SIAH1: variants seen among roughly 807,000 people sequenced by gnomAD.
SIAH1 encodes siah E3 ubiquitin protein ligase 1.
In SIAH1, 2 loss-of-function variants were observed where a neutral mutation model predicts 20.0. The ratio of observed to expected loss-of-function variants is 0.10; its 90% CI spans 0.04 to 0.31. The LOEUF (loss-of-function observed/expected upper bound fraction) is 0.31. Among genes scored for constraint, SIAH1 ranks in the 10% least tolerant of loss-of-function variants. SIAH1 has a pLI of 1.00. For missense variants in SIAH1, 119 were observed against 355.3 expected, an observed-to-expected ratio of 0.33 and a Z score of 5.35; for synonymous variants, 118 against 125.3, an observed-to-expected ratio of 0.94 and a Z score of 0.39.
intron 1 of SIAH1, among the ~76,000 whole-genome samples, chr16:48,373,805 A>G (rs1177994683): frequency 2.0e-5 from 3 of 152,250 alleles, no homozygotes; most frequent in Admixed American, 1.3e-4. Context: ...GCCATTATGT[A>G]TAAGGATACA....
At chr16:48,385,540 G>T (rs888372855), upstream of SIAH1, 1 of 151,492 alleles carries the variant, frequency 6.6e-6, no homozygotes, top group African/African-American at 2.4e-5. Context: ...AGGCGTTGGC[G>T]CGGCCGGCGG....
intron 1 of SIAH1, among the ~76,000 whole-genome samples, chr16:48,381,868 T>C (rs1272874331): frequency 2.6e-5 from 4 of 152,132 alleles, no homozygotes; most frequent in African/African-American, 9.7e-5. Flanking sequence ...TGGGTAATAA[T>C]GGTGTGTCAA....
At chr16:48,383,750 T>C (rs1367952457) in intron 1 of SIAH1, among the ~76,000 whole-genome samples, 1 of 152,184 alleles carries the variant, frequency 6.6e-6, no homozygotes, top group African/African-American at 2.4e-5. Flanking sequence ...CATACAAATC[T>C]CCTTGTCCTT....
intron 1 of SIAH1, among the ~76,000 whole-genome samples, chr16:48,379,996 AACTG>A (rs1459604000): frequency 1.3e-5 from 2 of 152,340 alleles, no homozygotes; most frequent in Non-Finnish European, 2.9e-5. Flanking sequence ...GCAGTAGGAA[AACTG>A]ACTGTAAGGC....
intron 1 of SIAH1, among the ~76,000 whole-genome samples, chr16:48,375,128 G>A (rs962550048): frequency 5.3e-5 from 8 of 152,202 alleles, no homozygotes; most frequent in African/African-American, 1.4e-4. Flanking sequence ...CAGCTAGGGC[G>A]ACACAGTGAG....
chr16:48,384,700 G>C (rs1315344134), intron 1 of SIAH1, among the ~76,000 whole-genome samples: 1 of 151,252 alleles, frequency 6.6e-6, no homozygotes. Context: ...GGCGCGGTGC[G>C]GCCCGGGCCT....
At chr16:48,363,318 AATT>A (rs1960681297) in intron 1 of SIAH1, 1 of 167,100 alleles carries the variant, frequency 6.0e-6, no homozygotes, top group Non-Finnish European at 1.5e-5. Flanking sequence ...ATCTCTATCT[AATT>A]AAGTCTTCCC....
In SIAH1 at chr16:48,362,611, T is replaced by C; in HGVS notation, c.-2-181A>G. On this transcript the variant is annotated intron_variant, in intron 1 of 1. Coordinates refer to ENST00000394725, the MANE Select transcript of SIAH1 (RefSeq NM_003031.4). This position sits in a 1 kb window ranked among gnomAD's most constrained non-coding sequence, Gnocchi z 4.2. ...ATAAAATTACACTGAATGTGCACTT[T>C]ATTAGGATCTGTACACTGGATAAGC... The C allele has an allele frequency of 1.6e-6, 1 of 620,752 alleles. No homozygotes were observed. The highest frequency in any genetic ancestry group is 2.0e-5 in the South Asian group (1 of 48,808). The allele number at this position is 620,752 out of a possible 1,614,324, so 38.5% of individuals were successfully genotyped here.
At position 48,360,868 on chromosome 16, in the gene SIAH1, C is replaced by T. The variant is rs1186124346; in HGVS notation, c.*712G>A. On this transcript the variant is annotated 3_prime_UTR_variant, in exon 2 of 2. Coordinates refer to ENST00000394725, the MANE Select transcript of SIAH1 (RefSeq NM_003031.4). ...TTTAAATAGCTTTTGATTATTTTTC[C>T]GATGTCACCTTTACTTTCTGGAACT... The T allele has an allele frequency of 1.3e-5, 2 of 152,036 alleles. No homozygotes were observed. Among genetic ancestry groups the T allele is most frequent in the Non-Finnish European group, 1.5e-5 (1 of 67,998 alleles). The allele number at this position is 152,036 out of a possible 1,614,324, so 9.4% of individuals were successfully genotyped here.
chr16:48,361,005 C>T lies in SIAH1; in HGVS notation c.*575G>A, dbSNP rs934128753. The stretch of plus-strand genomic sequence containing the variant: ...TTTTACCATAAACAAATATGCATAT[C>T]AAAAGATACTAACTTTAAAATGGTA... On this transcript the variant is annotated 3_prime_UTR_variant, in exon 2 of 2. Transcript: ENST00000394725. 1 of 152,108 alleles carries T rather than the reference C, an allele frequency of 6.6e-6. No individual in the cohort carries two copies. Among genetic ancestry groups the T allele is most frequent in the Non-Finnish European group, 1.5e-5 (1 of 68,066 alleles). The allele number at this position is 152,108 out of a possible 1,614,324, so 9.4% of individuals were successfully genotyped here.
At chr16:48,372,754 A>G (rs1478478639) in intron 1 of SIAH1, among the ~76,000 whole-genome samples, 1 of 152,242 alleles carries the variant, frequency 6.6e-6, no homozygotes, top group African/African-American at 2.4e-5. Flanking sequence ...GCTTAACTCA[A>G]AAAGAACCTG....
intron 1 of SIAH1, among the ~76,000 whole-genome samples, chr16:48,370,389 T>C (rs1269683120): frequency 4.7e-5 from 7 of 148,406 alleles, no homozygotes. Context: ...CTAAACACAG[T>C]TCTTCATTAA....
At chr16:48,374,684 T>A (rs1392092674) in intron 1 of SIAH1, among the ~76,000 whole-genome samples, 1 of 151,914 alleles carries the variant, frequency 6.6e-6, no homozygotes, top group Non-Finnish European at 1.5e-5. Flanking sequence ...GCAAGGAATG[T>A]GAGGTAGCAT....
intron 1 of SIAH1, among the ~76,000 whole-genome samples, chr16:48,374,424 G>A (rs896822375): frequency 1.3e-5 from 2 of 152,138 alleles, no homozygotes; most frequent in Non-Finnish European, 2.9e-5. Flanking sequence ...CAACTATCTC[G>A]AAAGTGTTGA....
chr16:48,383,310 ATCTT>A (rs1366670921), intron 1 of SIAH1, among the ~76,000 whole-genome samples: 3 of 152,230 alleles, frequency 2.0e-5, no homozygotes, highest in South Asian at 4.1e-4. Context: ...AGAAATCTGT[ATCTT>A]TATTTAAATT....
intron 1 of SIAH1, among the ~76,000 whole-genome samples, chr16:48,373,514 A>C (rs895786103): frequency 1.3e-5 from 2 of 152,148 alleles, no homozygotes; most frequent in African/African-American, 4.8e-5. Flanking sequence ...CCTCCCTTCA[A>C]AATGTATTCA....
At chr16:48,384,411 G>C (rs967746687) in intron 1 of SIAH1, among the ~76,000 whole-genome samples, 2 of 152,100 alleles carry the variant, frequency 1.3e-5, no homozygotes, top group African/African-American at 4.8e-5. Context: ...AGTGGCCCAG[G>C]TTATTCACTT....
intron 1 of SIAH1, among the ~76,000 whole-genome samples, chr16:48,368,190 G>C (rs754479967): frequency 6.6e-6 from 1 of 152,120 alleles, no homozygotes; most frequent in Non-Finnish European, 1.5e-5. Flanking sequence ...ATAGAACACA[G>C]ACGTGAGGGA....
upstream of SIAH1, chr16:48,385,547 G>A (rs1961439627): frequency 6.6e-6 from 1 of 151,650 alleles, no homozygotes. Context: ...GGCGCGGCCG[G>A]CGGCGGCCTC....
Sources: gnomAD v4.1 joint callset for allele counts (sites outside exome capture counted in the v4.1 genomes callset) on GRCh38, gnomAD v4.1.1 for gene constraint, Gnocchi (gnomAD v3.1) non-coding constraint, MANE v1.5 for transcripts, NCBI Gene and HGNC (gene_info 2026-07-23, HGNC 2026-07-21) for gene names.